The following ZNF438 variants were observed in gnomAD, a reference collection of about 807,000 sequenced individuals.
ZNF438 encodes the protein zinc finger protein 438.
Under a neutral mutation model 38.0 loss-of-function variants are expected in ZNF438, and 25 were observed. The observed-to-expected ratio is 0.66, with a 90% CI of 0.48 to 0.92. ZNF438 has a LOEUF of 0.92. Among genes scored for constraint, ZNF438 ranks in the 40% least tolerant of loss-of-function variants. The pLI, the probability that ZNF438 is intolerant of heterozygous loss-of-function variation, is 0.00. For missense variants in ZNF438, 1,007 were observed against 999.6 expected, an observed-to-expected ratio of 1.01 and a Z score of -0.10; for synonymous variants, 372 against 364.1, an observed-to-expected ratio of 1.02 and a Z score of -0.25.
chr10:30,949,664 T>C (rs1261752666), intron 1 of ZNF438, among the ~76,000 whole-genome samples: 1 of 152,146 alleles, frequency 6.6e-6, no homozygotes, highest in East Asian at 1.9e-4. Flanking sequence ...CATTACATAA[T>C]GGTAAAGGGA....
chr10:30,906,550 G>T (rs1164735231), intron 3 of ZNF438, among the ~76,000 whole-genome samples: 1 of 152,012 alleles, frequency 6.6e-6, no homozygotes, highest in Non-Finnish European at 1.5e-5. Flanking sequence ...TTTCCAATCT[G>T]GATGCTTTTC....
At chr10:30,950,474 A>G (rs1291814008) in intron 1 of ZNF438, among the ~76,000 whole-genome samples, 1 of 151,334 alleles carries the variant, frequency 6.6e-6, no homozygotes, top group Non-Finnish European at 1.5e-5. Context: ...GTTTTTTGAA[A>G]GGATCAACAA....
chr10:30,873,911 G>T (rs574636440), intron 4 of ZNF438, among the ~76,000 whole-genome samples: 1 of 151,900 alleles, frequency 6.6e-6, no homozygotes. Context: ...CATATAATAC[G>T]TGTGTATGTG....
At chr10:30,989,533 T>A (rs984748901) in intron 1 of ZNF438, among the ~76,000 whole-genome samples, 4 of 152,200 alleles carry the variant, frequency 2.6e-5, no homozygotes, top group African/African-American at 7.2e-5. Context: ...TCTCTTTGTA[T>A]CCCCTTTCTA....
At chr10:30,949,144 C>A (rs1308639014) in intron 1 of ZNF438, among the ~76,000 whole-genome samples, 1 of 152,026 alleles carries the variant, frequency 6.6e-6, no homozygotes, top group Non-Finnish European at 1.5e-5. Context: ...CATATCCAGC[C>A]AAACTAAGCT....
intron 2 of ZNF438, among the ~76,000 whole-genome samples, chr10:30,918,701 T>C (rs549097508): frequency 1.3e-5 from 2 of 152,316 alleles, no homozygotes; most frequent in South Asian, 2.1e-4. Context: ...ATGGAGATTC[T>C]ACAAGTTGGC....
At chr10:30,941,300 G>C (rs1197817970) in intron 2 of ZNF438, among the ~76,000 whole-genome samples, 1 of 152,146 alleles carries the variant, frequency 6.6e-6, no homozygotes, top group Non-Finnish European at 1.5e-5. Context: ...TCGAAATCCT[G>C]ATCTCAGGTG....
At chr10:30,917,545 G>GATGACAA (rs1369804595) in intron 2 of ZNF438, among the ~76,000 whole-genome samples, 2 of 152,106 alleles carry the variant, frequency 1.3e-5, no homozygotes, top group Non-Finnish European at 2.9e-5. Context: ...GCATTTCCCA[G>GATGACAA]ATGACAAATG....
At chr10:31,029,768 A>G (rs1239601087) in intron 1 of ZNF438, among the ~76,000 whole-genome samples, 36 of 152,226 alleles carry the variant, frequency 2.4e-4, no homozygotes, top group Admixed American at 2.4e-3. Flanking sequence ...ACAGCCTACA[A>G]GGGACCCCAC....
At chr10:30,873,270 T>C (rs1372919096) in intron 4 of ZNF438, among the ~76,000 whole-genome samples, 1 of 152,202 alleles carries the variant, frequency 6.6e-6, no homozygotes, top group Non-Finnish European at 1.5e-5. Flanking sequence ...TTCTATAAAT[T>C]ATATTCTCAC....
intron 1 of ZNF438, among the ~76,000 whole-genome samples, chr10:31,015,372 G>A (rs902698903): frequency 3.3e-5 from 5 of 152,112 alleles, no homozygotes; most frequent in African/African-American, 1.2e-4. Context: ...GGCCGGACGT[G>A]GTGGCTCACA....
chr10:31,028,367 A>C (rs2057074212), intron 1 of ZNF438, among the ~76,000 whole-genome samples: 1 of 152,226 alleles, frequency 6.6e-6, no homozygotes, highest in Non-Finnish European at 1.5e-5. Flanking sequence ...GGAAAAACTC[A>C]TCACTTCAAA....
At chr10:30,879,851 A>G (rs759450101) in intron 3 of ZNF438, among the ~76,000 whole-genome samples, 5 of 152,182 alleles carry the variant, frequency 3.3e-5, no homozygotes, top group African/African-American at 1.2e-4. Context: ...CTTTAAGAAG[A>G]TTAACATACC....
intron 1 of ZNF438, among the ~76,000 whole-genome samples, chr10:30,995,589 G>A (rs748563027): frequency 1.3e-4 from 20 of 152,134 alleles, no homozygotes; most frequent in Admixed American, 2.6e-4. Context: ...AGGAAATTAC[G>A]TACATTATTG....
intron 1 of ZNF438, among the ~76,000 whole-genome samples, chr10:31,005,588 T>G (rs776950480): frequency 6.6e-6 from 1 of 152,162 alleles, no homozygotes; most frequent in African/African-American, 2.4e-5. Context: ...GTCTAATGTA[T>G]GACATGAGGA....
At chr10:30,919,610 T>A (rs983692486) in intron 2 of ZNF438, 1 of 152,038 alleles carries the variant, frequency 6.6e-6, no homozygotes, top group African/African-American at 2.4e-5. Flanking sequence ...ATTCAGACAA[T>A]TTTTTATTTT....
chr10:30,874,684 C>A (rs1264402676), intron 4 of ZNF438, among the ~76,000 whole-genome samples: 8 of 151,638 alleles, frequency 5.3e-5, no homozygotes, highest in Non-Finnish European at 1.2e-4. Flanking sequence ...TTTAAAATGG[C>A]TTTAAGCATT....
intron 4 of ZNF438, among the ~76,000 whole-genome samples, chr10:30,869,970 A>T (rs537792416): frequency 6.6e-6 from 1 of 152,322 alleles, no homozygotes; most frequent in South Asian, 2.1e-4. Flanking sequence ...AGAGTCACAG[A>T]TCTTGCAATA....
At chr10:30,856,940 C>T (rs1232739531) in intron 4 of ZNF438, among the ~76,000 whole-genome samples, 1 of 152,098 alleles carries the variant, frequency 6.6e-6, no homozygotes, top group African/African-American at 2.4e-5. Context: ...GTGTTGAGCC[C>T]TTATTATGGT....
Sources: gnomAD v4.1 joint callset for allele counts (sites outside exome capture counted in the v4.1 genomes callset) on GRCh38, gnomAD v4.1.1 for gene constraint, MANE v1.5 for transcripts, NCBI Gene and HGNC (gene_info 2026-07-23, HGNC 2026-07-21) for gene names.